Variants in RASGEF1C observed in about 807,000 individuals in gnomAD.
RASGEF1C encodes the protein RasGEF domain family member 1C, also known as ras-GEF domain-containing family member 1C.
A neutral mutation model predicts 58.1 loss-of-function variants in RASGEF1C; 27 were observed. The observed-to-expected ratio is 0.46, with a 90% CI of 0.34 to 0.64. RASGEF1C has a LOEUF of 0.64. Ranked by LOEUF, RASGEF1C falls within the 30% of genes least tolerant of loss-of-function variation. RASGEF1C has a pLI of 0.01. For synonymous variants in RASGEF1C, 243 were observed against 246.3 expected, an observed-to-expected ratio of 0.99 and a Z score of 0.13; for missense variants, 502 against 605.1, an observed-to-expected ratio of 0.83 and a Z score of 1.79.
intron 1 of RASGEF1C, among the ~76,000 whole-genome samples, chr5:180,159,456 A>G (rs7720463): frequency 0.74 from 113,332 of 152,134 alleles, 42,808 homozygotes; most frequent in African/African-American, 0.78. Flanking sequence ...AGTTTTATTT[A>G]AAGTTTTCTT....
chr5:180,102,174 T>A, intron 12 of RASGEF1C, 31 bp from the exon 13 acceptor site: 1 of 1,323,070 alleles, frequency 7.6e-7, no homozygotes, highest in South Asian at 1.2e-5. Context: ...AATTTCACAA[T>A]TATGGTTGAT....
intron 1 of RASGEF1C, among the ~76,000 whole-genome samples, chr5:180,196,111 A>T (rs1253216242): frequency 6.6e-6 from 1 of 152,162 alleles, no homozygotes; most frequent in Admixed American, 6.5e-5. Context: ...TTCTTCCTTG[A>T]CTATTCAATA....
rs184321449 is a variant in RASGEF1C, at chr5:180,115,463, C to G, written c.1084-922G>C. 9.0e-4 allele frequency: 261 copies of G among 289,358 alleles called. 3 individuals carry two copies. In the East Asian group the frequency reaches 0.019, roughly 21 times the overall value. The allele number at this position is 289,358 out of a possible 1,614,324, so 17.9% of individuals were successfully genotyped here. A position where few individuals can be genotyped will look rare whatever the true frequency, so the allele number is the denominator to read the frequency against. On this transcript the variant is annotated intron_variant, in intron 10 of 13. Transcript: ENST00000361132. ...GGGCTGCGGGCTGCGTGCAGGCCCC[C>G]CCAGACTCTTCACTCCTGACCTCAT...
At chr5:180,170,947 A>G (rs1344748249) in intron 1 of RASGEF1C, among the ~76,000 whole-genome samples, 1 of 152,050 alleles carries the variant, frequency 6.6e-6, no homozygotes, top group East Asian at 1.9e-4. Context: ...CCCTGCCTGG[A>G]GAGTGGGGAG....
At chr5:180,176,091 A>T (rs539871161) in intron 1 of RASGEF1C, among the ~76,000 whole-genome samples, 3 of 152,264 alleles carry the variant, frequency 2.0e-5, no homozygotes, top group Non-Finnish European at 4.4e-5. Flanking sequence ...AAGAGGCCAC[A>T]TCGCTGGCCA....
At chr5:180,140,848 G>C (rs1420906957) in intron 1 of RASGEF1C, among the ~76,000 whole-genome samples, 1 of 152,198 alleles carries the variant, frequency 6.6e-6, no homozygotes, top group Non-Finnish European at 1.5e-5. Context: ...CATGTGCAGA[G>C]GCTCGGCGGA....
Position 180,198,938 on chromosome 5 carries a change from G to A in RASGEF1C, c.-7+10090C>T, listed in dbSNP as rs912724960. Reference sequence around the variant, plus strand: ...TGAGGCTGGAGGAGTGAGGAAGTAGGAGAAAGCCCCCAGGAAGGACTCCCA... The same window carrying A: ...TGAGGCTGGAGGAGTGAGGAAGTAGAAGAAAGCCCCCAGGAAGGACTCCCA... On this transcript the variant is annotated intron_variant, in intron 1 of 13. Coordinates refer to ENST00000361132, the MANE Select transcript of RASGEF1C (RefSeq NM_175062.4). The surrounding 1 kb of genome is among the most constrained non-coding windows in gnomAD (Gnocchi z 4.5). Among the ~76,000 whole-genome samples the A allele has an allele frequency of 6.6e-6, 1 of 152,052 alleles. No individual in the cohort carries two copies. Among genetic ancestry groups the A allele is most frequent in the African/African-American group, 2.4e-5 (1 of 41,390 alleles).
chr5:180,152,445 C>G (rs1233948560), intron 1 of RASGEF1C, among the ~76,000 whole-genome samples: 1 of 151,516 alleles, frequency 6.6e-6, no homozygotes, highest in Non-Finnish European at 1.5e-5. Flanking sequence ...CCATCATTCT[C>G]AGCAAACTAT....
intron 1 of RASGEF1C, among the ~76,000 whole-genome samples, chr5:180,187,133 G>T (rs540355203): frequency 2.0e-5 from 3 of 152,250 alleles, no homozygotes; most frequent in South Asian, 4.1e-4. Context: ...CTGGCCAGTT[G>T]ATTTTTGAAA....
chr5:180,138,890 A>G (rs775472600), intron 1 of RASGEF1C, among the ~76,000 whole-genome samples: 47 of 152,094 alleles, frequency 3.1e-4, no homozygotes, highest in Non-Finnish European at 5.0e-4. Flanking sequence ...CCCTCCAGGT[A>G]TGGCTGAAAT....
At position 180,182,588 on chromosome 5, in the gene RASGEF1C, ATTTTTACAGAGTGCTGATTGGTGC is replaced by A. The variant is rs1452745778; in HGVS notation, c.-7+26416_-7+26439del. Among the ~76,000 whole-genome samples, 108 of 151,938 alleles carry A rather than the reference ATTTTTACAGAGTGCTGATTGGTGC, an allele frequency of 7.1e-4. 3 individuals are homozygous for A. The highest frequency in any genetic ancestry group is 8.8e-5 in the Non-Finnish European group (6 of 67,986). Reference sequence around the variant, plus strand: ...TCCATTTTATAGTGTTGATTGGTGCATTTTTACAGAGTGCTGATTGGTGCTTTTACAATCCCTTAGCTAGACACA... The same window carrying A: ...TCCATTTTATAGTGTTGATTGGTGCATTTTACAATCCCTTAGCTAGACACA... On this transcript the variant is annotated intron_variant, in intron 1 of 13. Transcript: ENST00000361132.
At chr5:180,185,860 G>A (rs1756026027) in intron 1 of RASGEF1C, among the ~76,000 whole-genome samples, 1 of 152,016 alleles carries the variant, frequency 6.6e-6, no homozygotes, top group Admixed American at 6.6e-5. Flanking sequence ...CACTTTGGGA[G>A]GCTAAGGCAG....
rs926127304 is a variant in RASGEF1C at position 180,137,513 on chromosome 5, G to C, written c.300+77C>G. ...AAACGGGGACAATCATTGCCTCCCC[G>C]AGAGGCTGATGCGTTGAGGGCATGG... On this transcript the variant is annotated intron_variant, in intron 3 of 13. Transcript: ENST00000361132. This position sits in a 1 kb window ranked among gnomAD's most constrained non-coding sequence, Gnocchi z 4.1. The C allele has an allele frequency of 1.3e-6, 2 of 1,550,574 alleles. No individual in the cohort carries two copies. Among genetic ancestry groups the C allele is most frequent in the Non-Finnish European group, 1.7e-6 (2 of 1,147,790 alleles).
At chr5:180,138,708 T>C (rs7707107) in intron 1 of RASGEF1C, among the ~76,000 whole-genome samples, 142,458 of 152,188 alleles carry the variant, frequency 0.94, 67,419 homozygotes, top group East Asian at 1. Flanking sequence ...CCTGGCATTC[T>C]GGGCTCTTTG....
chr5:180,152,530 A>C (rs1184177214), intron 1 of RASGEF1C, among the ~76,000 whole-genome samples: 1 of 127,208 alleles, frequency 7.9e-6, no homozygotes, highest in Admixed American at 1.0e-4. Flanking sequence ...ACATGGACAC[A>C]GGAAGGGGAA....
intron 1 of RASGEF1C, among the ~76,000 whole-genome samples, chr5:180,190,750 G>C (rs566240490): frequency 6.6e-6 from 1 of 152,098 alleles, no homozygotes; most frequent in South Asian, 2.1e-4. Context: ...AGAATAAAAT[G>C]TAGGAGAAAA....
At position 180,157,388 on chromosome 5, in the gene RASGEF1C, G is replaced by A. The variant is rs902500152; in HGVS notation, c.-6-19330C>T. Among the ~76,000 whole-genome samples, 10 of 152,176 alleles carry A rather than the reference G, an allele frequency of 6.6e-5. No individual in the cohort carries two copies. The South Asian group carries it at 8.3e-4, about 13-fold the overall frequency. ...TGTAATCCCAGCACTTTGGGAGGCC[G>A]AGGTGGGCGGATCACCTGAGGTCGG... On this transcript the variant is annotated intron_variant, in intron 1 of 13. Transcript: ENST00000361132.
rs1403266779 is a variant in RASGEF1C at position 180,137,568 on chromosome 5, C to A, written c.300+22G>T. 6.2e-7 allele frequency: 1 copy of A among 1,603,208 alleles called. No homozygotes were observed. The highest frequency in any genetic ancestry group is 8.5e-7 in the Non-Finnish European group (1 of 1,176,424). Reference sequence around the variant, plus strand: ...GCAGTGCTGGTACACTCTGAGACCCCCTGGCCTGCCCTCCGCCTCACCTTG... The same window carrying A: ...GCAGTGCTGGTACACTCTGAGACCCACTGGCCTGCCCTCCGCCTCACCTTG... On this transcript the variant is annotated intron_variant, in intron 3 of 13. Coordinates refer to ENST00000361132, the MANE Select transcript of RASGEF1C (RefSeq NM_175062.4). The surrounding 1 kb of genome is among the most constrained non-coding windows in gnomAD (Gnocchi z 4.1).
At chr5:180,119,534 C>A in intron 7 of RASGEF1C, 86 bp from the exon 8 acceptor site, 1 of 1,014,086 alleles carries the variant, frequency 9.9e-7, no homozygotes, top group South Asian at 1.4e-5. Flanking sequence ...GCCCGCTTCA[C>A]CTTCTCTAAA....
Sources: gnomAD v4.1 joint callset for allele counts (sites outside exome capture counted in the v4.1 genomes callset) on GRCh38, gnomAD v4.1.1 for gene constraint, Gnocchi (gnomAD v3.1) non-coding constraint, MANE v1.5 for transcripts, NCBI Gene and HGNC (gene_info 2026-07-23, HGNC 2026-07-21) for gene names.